Variants in MPND observed in about 807,000 individuals in gnomAD.
The protein encoded by MPND is MPN domain containing, also known as MPN domain-containing protein.
Under a neutral mutation model 59.2 loss-of-function variants are expected in MPND, and 56 were observed. The observed-to-expected ratio is 0.95, with a 90% CI of 0.76 to 1.18. The LOEUF is 1.18. MPND is among the 50% of genes most tolerant of loss of function. The pLI is 0.00. For synonymous variants in MPND, 323 were observed against 291.9 expected (o/e 1.11, Z -1.09); for missense variants, 671 against 676.0 (o/e 0.99, Z 0.08).
chr19:4,354,338 T>C lies in MPND; in HGVS notation c.764T>C (p.Leu255Pro), dbSNP rs375130729. ...SRDLARNPHT[L>P]VEVTSFAAIN... The stretch of plus-strand genomic sequence containing the variant: ...GGCCCCTACAGGAACCCCCACACCC[T>C]GGTGGAAGTAACATCCTTTGCAGCC... The change falls in exon 6 of 13, where the codon CTG becomes CCG. Residue 255 changes from leucine to proline, a missense_variant. Leu to Pro is a moderately conservative substitution (Grantham distance 98). Coordinates refer to ENST00000599840, the MANE Select transcript of MPND (RefSeq NM_001300862.2). The C allele has an allele frequency of 1.3e-6, 2 of 1,559,172 alleles. No individual in the cohort carries two copies. The highest frequency in any genetic ancestry group is 2.4e-5 in the East Asian group (1 of 41,954).
chr19:4,346,604 A>T (rs951102655), intron 3 of MPND, among the ~76,000 whole-genome samples: 1 of 151,946 alleles, frequency 6.6e-6, no homozygotes, highest in East Asian at 1.9e-4. Flanking sequence ...TTTAGAAGAG[A>T]TGAGGTTTCA....
intron 3 of MPND, among the ~76,000 whole-genome samples, chr19:4,349,417 T>C (rs1472951155): frequency 6.6e-6 from 1 of 151,820 alleles, no homozygotes; most frequent in East Asian, 1.9e-4. Flanking sequence ...TGGAAAGCAG[T>C]GGTGGCGGGA....
Position 4,360,036 on chromosome 19 carries a change from G to A in MPND, c.*34G>A. ...GGGCAGGGTGGGCTCCAGTTGTCTT[G>A]AGGGTCCGGATGGGCTCAGGTAATA... On this transcript the variant is annotated 3_prime_UTR_variant, in exon 13 of 13. Coordinates refer to ENST00000599840, the MANE Select transcript of MPND (RefSeq NM_001300862.2). 6.5e-7 allele frequency: 1 copy of A among 1,532,270 alleles called. No homozygotes were observed. The highest frequency in any genetic ancestry group is 8.8e-7 in the Non-Finnish European group (1 of 1,130,346). The allele number at this position is 1,532,270 out of a possible 1,614,324, so 94.9% of individuals were successfully genotyped here.
chr19:4,348,801 C>T (rs1320251383), intron 3 of MPND, among the ~76,000 whole-genome samples: 6 of 151,820 alleles, frequency 4.0e-5, no homozygotes, highest in Admixed American at 1.3e-4. Context: ...GAATTATAGG[C>T]GCCCACCACC....
rs370388121 is a variant in MPND, at chr19:4,355,116, C to G, written c.939C>G (p.Ala313=). The change falls in exon 8 of 13, where the codon GCC becomes GCG. Residue 313 remains alanine, a synonymous_variant. Coordinates refer to ENST00000599840, the MANE Select transcript of MPND (RefSeq NM_001300862.2). ...CCACAGTGCTGACGGTGCTCAGAGC[C>G]TTCCCTTGTCGGAGCCGGCTCGGGG... The part of the protein sequence containing the change: ...VNSQMLTVLR[A]FPCRSRLGDA... 1.8e-5 allele frequency: 29 copies of G among 1,613,778 alleles called. No individual in the cohort carries two copies. Among genetic ancestry groups the G allele is most frequent in the Non-Finnish European group, 2.3e-5 (27 of 1,180,018 alleles).
intron 3 of MPND, 55 bp downstream of exon 3, chr19:4,346,036 T>C: frequency 1.4e-6 from 2 of 1,466,944 alleles, no homozygotes; most frequent in Admixed American, 1.9e-5. Flanking sequence ...GAATGAGGGG[T>C]GCCCAGCCTG....
In MPND at chr19:4,355,164, CGAA is replaced by C. The variant is rs1568399551; in HGVS notation, c.990_992del (p.Glu332del). Reference sequence around the variant, plus strand: ...GGGACGCAGAGACTGCAGCTGCCATCGAAGAGGAGGTGAGGGGCTACCTGGGAG... The same window carrying C: ...GGGACGCAGAGACTGCAGCTGCCATCGAGGAGGTGAGGGGCTACCTGGGAG... On this transcript the variant is annotated inframe_deletion, in exon 8 of 13. Coordinates refer to ENST00000599840, the MANE Select transcript of MPND (RefSeq NM_001300862.2). 8 of 1,612,854 alleles carry C rather than the reference CGAA, an allele frequency of 5.0e-6. No homozygotes were observed. Among genetic ancestry groups the C allele is most frequent in the African/African-American group, 1.3e-5 (1 of 74,910 alleles).
At chr19:4,344,751 T>C (rs986621058) in intron 2 of MPND, among the ~76,000 whole-genome samples, 2 of 151,272 alleles carry the variant, frequency 1.3e-5, no homozygotes, top group Non-Finnish European at 3.0e-5. Flanking sequence ...TTTTTTTTTT[T>C]TTTTTGAGAC....
At position 4,354,116 on chromosome 19, in the gene MPND, C is replaced by T. The variant is rs767330797; in HGVS notation, c.736C>T (p.Arg246Cys). The change falls in exon 5 of 13, where the codon CGC (arginine) becomes TGC (cysteine). Residue 246 changes from arginine to cysteine, a missense_variant. Coordinates refer to ENST00000599840, the MANE Select transcript of MPND (RefSeq NM_001300862.2). ...VPVRYCMLGSRDLARNPHTLV... is the reference protein window; with the variant it reads ...VPVRYCMLGSCDLARNPHTLV... ...GGTCCGCTACTGCATGCTGGGCAGC[C>T]GCGACTTGGCCAGGTCAGACTCACC... 1.5e-5 allele frequency: 24 copies of T among 1,612,058 alleles called. No individual in the cohort carries two copies. The highest frequency in any genetic ancestry group is 8.9e-5 in the East Asian group (4 of 44,822).
intron 2 of MPND, among the ~76,000 whole-genome samples, chr19:4,344,226 C>G (rs969703112): frequency 1.3e-5 from 2 of 150,328 alleles, no homozygotes; most frequent in Admixed American, 6.6e-5. Flanking sequence ...TCGGAGCTCT[C>G]TTGGCTGCAG....
At position 4,359,146 on chromosome 19, in the gene MPND, G is replaced by A; in HGVS notation, c.1327-17G>A. On this transcript the variant is annotated splice_polypyrimidine_tract_variant and intron_variant, in intron 11 of 12. Transcript: ENST00000599840. Reference sequence around the variant, plus strand: ...GCTTGGAGGGAGCCTGGGAGTCCATGCTCCTCTGTCCTGTAGATGCTGCTG... The same window carrying A: ...GCTTGGAGGGAGCCTGGGAGTCCATACTCCTCTGTCCTGTAGATGCTGCTG... The A allele has an allele frequency of 1.3e-6, 2 of 1,598,626 alleles. No individual in the cohort carries two copies. Among genetic ancestry groups the A allele is most frequent in the Non-Finnish European group, 1.7e-6 (2 of 1,166,718 alleles).
Position 4,359,235 on chromosome 19 carries a change from A to C in MPND, c.1399A>C (p.Thr467Pro). The C allele has an allele frequency of 6.2e-7, 1 of 1,612,814 alleles. No individual in the cohort carries two copies. The highest frequency in any genetic ancestry group is 8.5e-7 in the Non-Finnish European group (1 of 1,179,564). ...CCAGGAACCCTGGAGCCAGGAGCAC[A>C]CCTACCTCGACAAGCTTAAGGTGAG... is the stretch of plus-strand genomic sequence containing the variant. ...RLQEPWSQEH[T>P]YLDKLKISLA... Residue 467 changes from threonine to proline, a missense_variant, in exon 12 of 13, where the codon ACC (threonine) becomes CCC (proline). Transcript: ENST00000599840.
chr19:4,346,495 A>G (rs925291167), intron 3 of MPND, among the ~76,000 whole-genome samples: 1 of 151,774 alleles, frequency 6.6e-6, no homozygotes, highest in African/African-American at 2.4e-5. Flanking sequence ...TTGGCTCACT[A>G]CAGCCTTCAC....
chr19:4,357,049 A>G (rs377190805), intron 8 of MPND: 271 of 448,198 alleles, frequency 6.0e-4, no homozygotes, highest in South Asian at 4.3e-3. Flanking sequence ...GGCAGGGTGC[A>G]TCTTTTATAT....
chr19:4,349,385 T>C (rs1310485416), intron 3 of MPND, among the ~76,000 whole-genome samples: 1 of 152,114 alleles, frequency 6.6e-6, no homozygotes, highest in Non-Finnish European at 1.5e-5. Context: ...CACGATTCCT[T>C]TGCCTTGGTG....
In MPND at chr19:4,355,138, G is replaced by A. The variant is rs376145951; in HGVS notation, c.961G>A (p.Gly321Arg). ...LRAFPCRSRL[G>R]DAETAAAIEE... is the part of the protein sequence containing the mutation. ...AGCCTTCCCTTGTCGGAGCCGGCTC[G>A]GGGACGCAGAGACTGCAGCTGCCAT... Residue 321 changes from glycine to arginine, a missense_variant, in exon 8 of 13, where the codon GGG becomes AGG. Transcript: ENST00000599840. 34 of 1,613,450 alleles carry A rather than the reference G, an allele frequency of 2.1e-5. No homozygotes were observed. The highest frequency in any genetic ancestry group is 3.5e-4 in the Middle Eastern group (2 of 5,646).
intron 6 of MPND, chr19:4,354,723 G>A: frequency 3.4e-6 from 2 of 593,448 alleles, no homozygotes; most frequent in Non-Finnish European, 6.0e-6. Flanking sequence ...AATTAGCTGG[G>A]CATGGTGGTG....
chr19:4,344,616 C>T (rs1908839033), intron 2 of MPND, among the ~76,000 whole-genome samples: 1 of 152,170 alleles, frequency 6.6e-6, no homozygotes, highest in African/African-American at 2.4e-5. Context: ...CCTGTGGTTT[C>T]CCAGCCGTGA....
At chr19:4,344,804 TCTCGGCTCACTGCAAC>T (rs1229066257) in intron 2 of MPND, among the ~76,000 whole-genome samples, 4 of 149,678 alleles carry the variant, frequency 2.7e-5, no homozygotes, top group Non-Finnish European at 4.4e-5. Flanking sequence ...AGTTGCTCGA[TCTCGGCTCACTGCAAC>T]CTCTGCCTCC....
Sources: gnomAD v4.1 joint callset for allele counts (sites outside exome capture counted in the v4.1 genomes callset) on GRCh38, gnomAD v4.1.1 for gene constraint, MANE v1.5 for transcripts, NCBI Gene and HGNC (gene_info 2026-07-23, HGNC 2026-07-21) for gene names.